FYN: variants seen among roughly 807,000 people sequenced by gnomAD.
FYN encodes the protein FYN proto-oncogene, Src family tyrosine kinase.
FYN carries 10 observed loss-of-function variants against 70.2 expected under a neutral mutation model. The observed-to-expected ratio is 0.14, with a 90% CI of 0.09 to 0.24. The LOEUF (loss-of-function observed/expected upper bound fraction) is 0.24, where lower values mean the gene tolerates loss of function less well. Among genes scored for constraint, FYN ranks in the 10% least tolerant of loss-of-function variants. The pLI is 1.00. For synonymous variants in FYN, 236 were observed against 248.6 expected (o/e 0.95, Z 0.48); for missense variants, 319 against 673.1 (o/e 0.47, Z 5.82).
chr6:111,850,309 A>G (rs940619775), intron 1 of FYN, among the ~76,000 whole-genome samples: 5 of 152,134 alleles, frequency 3.3e-5, no homozygotes, highest in Non-Finnish European at 7.4e-5. Context: ...TTCAAATTCA[A>G]CTCTTTTTAC....
intron 2 of FYN, among the ~76,000 whole-genome samples, chr6:111,811,227 AG>A (rs1772315568): frequency 6.6e-6 from 1 of 152,232 alleles, no homozygotes; most frequent in African/African-American, 2.4e-5. Flanking sequence ...GAATTTCTTT[AG>A]ATTTACTAAG....
chr6:111,738,229 C>T (rs1801792253), intron 3 of FYN, among the ~76,000 whole-genome samples: 1 of 152,210 alleles, frequency 6.6e-6, no homozygotes, highest in Non-Finnish European at 1.5e-5. Context: ...AGCAGAACTC[C>T]ACTCCTAGGC....
At chr6:111,673,514 A>G (rs754311462) in intron 13 of FYN, among the ~76,000 whole-genome samples, 5 of 152,042 alleles carry the variant, frequency 3.3e-5, no homozygotes, top group Non-Finnish European at 7.4e-5. Flanking sequence ...AGGGATTACA[A>G]ATTAATCTGC....
At chr6:111,736,124 T>C (rs1367111045) in intron 3 of FYN, among the ~76,000 whole-genome samples, 2 of 152,086 alleles carry the variant, frequency 1.3e-5, no homozygotes, top group African/African-American at 2.4e-5. Flanking sequence ...AACAGACCGG[T>C]GTCACAAGAG....
chr6:111,676,184 TATG>T (rs1798524396), intron 12 of FYN, among the ~76,000 whole-genome samples: 1 of 152,228 alleles, frequency 6.6e-6, no homozygotes, highest in Non-Finnish European at 1.5e-5. Flanking sequence ...AAATACAGCA[TATG>T]ATAACATCTT....
At chr6:111,816,821 TC>T (rs1381749398) in intron 2 of FYN, among the ~76,000 whole-genome samples, 1 of 152,204 alleles carries the variant, frequency 6.6e-6, no homozygotes, top group East Asian at 1.9e-4. Context: ...AATAAAGTAT[TC>T]AAAGACATGT....
At chr6:111,829,635 T>C (rs1038474026) in intron 2 of FYN, among the ~76,000 whole-genome samples, 1 of 152,130 alleles carries the variant, frequency 6.6e-6, no homozygotes, top group Non-Finnish European at 1.5e-5. Context: ...TCAGAAAACA[T>C]AGGTTGAGAA....
chr6:111,821,772 T>G (rs1772671141), intron 2 of FYN, among the ~76,000 whole-genome samples: 1 of 151,486 alleles, frequency 6.6e-6, no homozygotes, highest in African/African-American at 2.4e-5. Flanking sequence ...TACAAAGAAC[T>G]CAAACAAATT....
chr6:111,764,959 AAT>A (rs1198715519), intron 3 of FYN, among the ~76,000 whole-genome samples: 1 of 151,808 alleles, frequency 6.6e-6, no homozygotes, highest in East Asian at 1.9e-4. Context: ...TGGGTGAGAA[AAT>A]ATGTGTCTGG....
intron 3 of FYN, among the ~76,000 whole-genome samples, chr6:111,748,427 C>T (rs995493650): frequency 6.6e-6 from 1 of 152,234 alleles, no homozygotes; most frequent in Non-Finnish European, 1.5e-5. Flanking sequence ...TCAACAGACA[C>T]ACTCATTTTA....
At chr6:111,718,478 T>A (rs909059654) in intron 4 of FYN, among the ~76,000 whole-genome samples, 1 of 152,196 alleles carries the variant, frequency 6.6e-6, no homozygotes, top group African/African-American at 2.4e-5. Context: ...GTGACTTTAA[T>A]GAATGATACC....
intron 4 of FYN, among the ~76,000 whole-genome samples, chr6:111,717,295 A>G (rs9481185): frequency 0.12 from 18,512 of 152,110 alleles, 2,232 homozygotes; most frequent in African/African-American, 0.3. Flanking sequence ...TGAAATTGAA[A>G]AAAAAAAGAA....
At chr6:111,713,551 C>A (rs897347170) in intron 5 of FYN, among the ~76,000 whole-genome samples, 1 of 152,036 alleles carries the variant, frequency 6.6e-6, no homozygotes, top group Non-Finnish European at 1.5e-5. Flanking sequence ...CACCCCCCCA[C>A]ACTTTCTTCA....
At chr6:111,846,956 C>G (rs1773548469) in intron 1 of FYN, among the ~76,000 whole-genome samples, 1 of 152,192 alleles carries the variant, frequency 6.6e-6, no homozygotes. Context: ...ACACACTTCC[C>G]TTTTTCAGAG....
At chr6:111,827,649 T>C (rs1772880811) in intron 2 of FYN, among the ~76,000 whole-genome samples, 1 of 152,224 alleles carries the variant, frequency 6.6e-6, no homozygotes, top group South Asian at 2.1e-4. Context: ...CTCAGTTTAC[T>C]GCCCATGCCC....
chr6:111,789,672 T>G (rs1465134327), intron 2 of FYN, among the ~76,000 whole-genome samples: 1 of 152,182 alleles, frequency 6.6e-6, no homozygotes, highest in Non-Finnish European at 1.5e-5. Flanking sequence ...TGTCAGGTGA[T>G]CACATCACAT....
chr6:111,830,367 A>G (rs1372622372), intron 2 of FYN, among the ~76,000 whole-genome samples: 2 of 152,236 alleles, frequency 1.3e-5, no homozygotes, highest in Non-Finnish European at 1.5e-5. Flanking sequence ...CAGTGAATAA[A>G]TTGGCAATTT....
chr6:111,805,376 T>C (rs768165104), intron 2 of FYN, among the ~76,000 whole-genome samples: 8 of 152,198 alleles, frequency 5.3e-5, no homozygotes, highest in South Asian at 4.1e-4. Context: ...GGGACATACT[T>C]ACATTAAAAA....
intron 2 of FYN, among the ~76,000 whole-genome samples, chr6:111,812,667 C>T (rs944645337): frequency 4.2e-5 from 5 of 119,732 alleles, no homozygotes; most frequent in African/African-American, 6.3e-5. Flanking sequence ...GGCTATAAAG[C>T]TTCCTGAAGG....
Sources: gnomAD v4.1 joint callset for allele counts (sites outside exome capture counted in the v4.1 genomes callset) on GRCh38, gnomAD v4.1.1 for gene constraint, MANE v1.5 for transcripts, NCBI Gene and HGNC (gene_info 2026-07-23, HGNC 2026-07-21) for gene names.